DOCK3: variants seen among roughly 807,000 people sequenced by gnomAD.
The protein encoded by DOCK3 is dedicator of cytokinesis 3, also known as dedicator of cytokinesis protein 3.
DOCK3 carries 60 observed loss-of-function variants against 265.6 expected under a neutral mutation model. That is an observed-to-expected ratio of 0.23 (90% confidence interval 0.18 to 0.28). The LOEUF is 0.28. Among genes scored for constraint, DOCK3 ranks in the 10% least tolerant of loss-of-function variants. DOCK3 has a pLI of 1.00. For missense variants in DOCK3, 1,981 were observed against 2,594.3 expected, an observed-to-expected ratio of 0.76 and a Z score of 5.14; for synonymous variants, 881 against 938.0, an observed-to-expected ratio of 0.94 and a Z score of 1.11.
chr3:51,339,169 T>C, intron 37 of DOCK3, 141 bp downstream of exon 37: 2 of 665,924 alleles, frequency 3.0e-6, no homozygotes, highest in South Asian at 4.2e-5. Flanking sequence ...CTCACCTCAC[T>C]CATTTCCCTC....
chr3:51,328,949 T>G (rs2084333840), intron 32 of DOCK3, among the ~76,000 whole-genome samples: 2 of 152,114 alleles, frequency 1.3e-5, no homozygotes, highest in Admixed American at 6.5e-5. Context: ...GGTCAGGAAT[T>G]CAATACCAGC....
intron 2 of DOCK3, among the ~76,000 whole-genome samples, chr3:50,808,906 C>T (rs973501363): frequency 7.2e-5 from 11 of 152,072 alleles, no homozygotes; most frequent in Admixed American, 2.6e-4. Context: ...GGACCAATAC[C>T]GAAAGCAATG....
chr3:50,893,023 G>T (rs2048713178), intron 4 of DOCK3, among the ~76,000 whole-genome samples: 1 of 152,096 alleles, frequency 6.6e-6, no homozygotes, highest in African/African-American at 2.4e-5. Flanking sequence ...AGAACCCTGA[G>T]ACTCTCAGGC....
At position 50,687,322 on chromosome 3, in the gene DOCK3, A is replaced by G. The variant is rs535911230; in HGVS notation, c.37+12022A>G. ...GCAGCCACTTTATCTGGTGATTTGA[A>G]CACAGTTGTTGTTCTCCCTTGAAGT... is the stretch of plus-strand genomic sequence containing the variant. On this transcript the variant is annotated intron_variant, in intron 1 of 52. Coordinates refer to ENST00000266037, the MANE Select transcript of DOCK3 (RefSeq NM_004947.5). 1.8e-4 allele frequency among the ~76,000 whole-genome samples: 28 copies of G among 152,346 alleles called. No homozygotes were observed. In the South Asian group the frequency reaches 5.8e-3, roughly 32 times the overall value.
At chr3:51,351,434 G>A (rs943499132) in intron 40 of DOCK3, among the ~76,000 whole-genome samples, 8 of 152,142 alleles carry the variant, frequency 5.3e-5, no homozygotes, top group Non-Finnish European at 8.8e-5. Context: ...GTCTGCTAGC[G>A]GCAGAGTCCA....
chr3:51,382,414 G>C lies in DOCK3; in HGVS notation c.*855G>C, dbSNP rs1333321663. The C allele has an allele frequency of 6.6e-6, 1 of 152,654 alleles. No individual in the cohort carries two copies. Among genetic ancestry groups the C allele is most frequent in the Admixed American group, 6.5e-5 (1 of 15,288 alleles). 9.5% of individuals were successfully genotyped at this position (152,654 alleles called of 1,614,324 possible). A position where few individuals can be genotyped will look rare whatever the true frequency, so the allele number is the denominator to read the frequency against. ...ATCCTAGCTACCTTCCTCCTAGGGG[G>C]AGCTGGTCCCCTTCCTATGTGGTAG... On this transcript the variant is annotated 3_prime_UTR_variant, in exon 53 of 53. Coordinates refer to ENST00000266037, the MANE Select transcript of DOCK3 (RefSeq NM_004947.5).
At chr3:51,029,779 G>A (rs1397301084) in intron 5 of DOCK3, among the ~76,000 whole-genome samples, 1 of 152,184 alleles carries the variant, frequency 6.6e-6, no homozygotes, top group Non-Finnish European at 1.5e-5. Flanking sequence ...TGGTCTAAGG[G>A]TGCAGTGGCT....
chr3:51,211,827 G>T (rs1340542256), intron 13 of DOCK3, among the ~76,000 whole-genome samples: 2 of 152,212 alleles, frequency 1.3e-5, no homozygotes, highest in Non-Finnish European at 2.9e-5. Context: ...ACATACGTGT[G>T]CATGTGTCTT....
intron 5 of DOCK3, among the ~76,000 whole-genome samples, chr3:51,030,218 T>G (rs374870888): frequency 6.6e-6 from 1 of 152,294 alleles, no homozygotes; most frequent in East Asian, 1.9e-4. Context: ...ACTAATAACT[T>G]TGATCTTTTT....
rs962994773 is a variant in DOCK3 at position 51,264,054 on chromosome 3, C to T, written c.2355+3728C>T. ...TCAGAACTTGAAATCAGCTCTGGAC[C>T]GAGTAGACCTGATAGACATCTGCAG... On this transcript the variant is annotated intron_variant, in intron 23 of 52. Coordinates refer to ENST00000266037, the MANE Select transcript of DOCK3 (RefSeq NM_004947.5). Among the ~76,000 whole-genome samples, 29 of 152,172 alleles carry T rather than the reference C, an allele frequency of 1.9e-4. 1 individual carries two copies. In the South Asian group the frequency reaches 4.6e-3, roughly 24 times the overall value.
At chr3:51,317,677 A>T (rs2083449640) in intron 32 of DOCK3, among the ~76,000 whole-genome samples, 1 of 150,844 alleles carries the variant, frequency 6.6e-6, no homozygotes, top group African/African-American at 2.4e-5. Context: ...ATTGCAAAAA[A>T]AAATTAGGTG....
chr3:50,690,877 G>A (rs561380029), intron 1 of DOCK3, among the ~76,000 whole-genome samples: 2 of 151,852 alleles, frequency 1.3e-5, no homozygotes, highest in East Asian at 2.0e-4. Context: ...TCCTGACTTC[G>A]TGATCCACCC....
chr3:50,963,023 C>T (rs1345450523), intron 5 of DOCK3, among the ~76,000 whole-genome samples: 1 of 152,036 alleles, frequency 6.6e-6, no homozygotes, highest in African/African-American at 2.4e-5. Context: ...CCTGTCTCTA[C>T]TAAATATAAA....
chr3:51,177,008 A>G (rs1000381405), intron 12 of DOCK3, among the ~76,000 whole-genome samples: 3 of 152,160 alleles, frequency 2.0e-5, no homozygotes, highest in Non-Finnish European at 2.9e-5. Flanking sequence ...GCCAGTATAC[A>G]TTTGTTTAGT....
chr3:50,711,929 T>G (rs549586892), intron 1 of DOCK3, among the ~76,000 whole-genome samples: 1 of 152,178 alleles, frequency 6.6e-6, no homozygotes, highest in Non-Finnish European at 1.5e-5. Flanking sequence ...AATTTGTCCA[T>G]TTCACGTAAA....
chr3:51,285,939 G>GA (rs779458085), intron 27 of DOCK3, among the ~76,000 whole-genome samples: 1 of 151,812 alleles, frequency 6.6e-6, no homozygotes, highest in East Asian at 1.9e-4. Context: ...CATCTCAAAT[G>GA]AAAAAAGAGT....
intron 3 of DOCK3, among the ~76,000 whole-genome samples, chr3:50,844,027 G>C (rs1386455091): frequency 6.6e-6 from 1 of 152,058 alleles, no homozygotes; most frequent in Non-Finnish European, 1.5e-5. Context: ...GCTAAGAAGT[G>C]ATCTTATTTC....
chr3:50,911,441 A>C (rs1012511838), intron 4 of DOCK3, among the ~76,000 whole-genome samples: 2 of 152,096 alleles, frequency 1.3e-5, no homozygotes, highest in African/African-American at 4.8e-5. Flanking sequence ...TGTTTTTGCC[A>C]CATTTGACAA....
At chr3:51,250,646 CGAT>C (rs1390563971) in intron 22 of DOCK3, among the ~76,000 whole-genome samples, 2 of 152,032 alleles carry the variant, frequency 1.3e-5, no homozygotes, top group Non-Finnish European at 2.9e-5. Context: ...CAAACAAACT[CGAT>C]GAGTACTATG....
Sources: gnomAD v4.1 joint callset for allele counts (sites outside exome capture counted in the v4.1 genomes callset) on GRCh38, gnomAD v4.1.1 for gene constraint, MANE v1.5 for transcripts, NCBI Gene and HGNC (gene_info 2026-07-23, HGNC 2026-07-21) for gene names.